Variants in FRMD4B observed in about 807,000 individuals in gnomAD.
The protein encoded by FRMD4B is FERM domain-containing protein 4B.
Under a neutral mutation model 141.5 loss-of-function variants are expected in FRMD4B, and 74 were observed. The ratio of observed to expected loss-of-function variants is 0.52; its 90% CI spans 0.43 to 0.63. The LOEUF (loss-of-function observed/expected upper bound fraction) is 0.63. FRMD4B is among the 30% of genes least tolerant of loss of function. The pLI is 0.00. For synonymous variants in FRMD4B, 506 were observed against 467.9 expected (o/e 1.08, Z -1.05); for missense variants, 1,366 against 1,253.4 (o/e 1.09, Z -1.36).
intron 17 of FRMD4B, 87 bp from the exon 18 acceptor site, chr3:69,190,039 T>C (rs2092819687): frequency 2.8e-6 from 2 of 724,610 alleles, no homozygotes; most frequent in African/African-American, 3.6e-5. Flanking sequence ...ATGGAATGCA[T>C]TTTCATTTAA....
chr3:69,518,933 C>A (rs1023201766), intron 1 of FRMD4B, among the ~76,000 whole-genome samples: 1 of 152,156 alleles, frequency 6.6e-6, no homozygotes, highest in Non-Finnish European at 1.5e-5. Context: ...CAAATACAAA[C>A]GTGCAGAAGC....
At chr3:69,389,190 C>T (rs1453373124), upstream of FRMD4B, among the ~76,000 whole-genome samples, 2 of 151,928 alleles carry the variant, frequency 1.3e-5, no homozygotes, top group Non-Finnish European at 2.9e-5. Flanking sequence ...CACAACACCA[C>T]GCCAGGCTAA....
At chr3:69,326,162 G>A (rs1373634585) in intron 1 of FRMD4B, among the ~76,000 whole-genome samples, 1 of 119,098 alleles carries the variant, frequency 8.4e-6, no homozygotes. Context: ...TCACTATGTT[G>A]CCTAGGCTAG....
intron 1 of FRMD4B, among the ~76,000 whole-genome samples, chr3:69,345,698 T>A (rs1206029550): frequency 6.6e-6 from 1 of 152,222 alleles, no homozygotes; most frequent in Non-Finnish European, 1.5e-5. Flanking sequence ...CTGCAGCCTC[T>A]GCTGCTGATA....
chr3:69,269,452 A>G (rs1269100740), intron 5 of FRMD4B, among the ~76,000 whole-genome samples: 2 of 149,948 alleles, frequency 1.3e-5, no homozygotes, highest in East Asian at 3.9e-4. Context: ...AAAGCCACCC[A>G]GCCTGTAGGT....
intron 7 of FRMD4B, among the ~76,000 whole-genome samples, chr3:69,229,019 T>C (rs201885582): frequency 0.036 from 5,294 of 148,212 alleles, 143 homozygotes; most frequent in East Asian, 0.11. Flanking sequence ...AATCATGTTT[T>C]TTTTTTTTTT....
intron 1 of FRMD4B, among the ~76,000 whole-genome samples, chr3:69,458,508 G>A (rs1318082690): frequency 1.3e-5 from 2 of 152,170 alleles, no homozygotes; most frequent in African/African-American, 2.4e-5. Flanking sequence ...GCTACAATGT[G>A]TCCTCAACGT....
intron 15 of FRMD4B, 22 bp from the exon 16 acceptor site, chr3:69,195,163 A>T (rs2092887787): frequency 1.2e-6 from 2 of 1,613,874 alleles, no homozygotes; most frequent in Non-Finnish European, 1.7e-6. Flanking sequence ...GACAGAATCA[A>T]GAGCAGATAA....
At chr3:69,355,460 T>G (rs1185461068) in intron 1 of FRMD4B, among the ~76,000 whole-genome samples, 4 of 152,178 alleles carry the variant, frequency 2.6e-5, no homozygotes, top group African/African-American at 7.2e-5. Context: ...ACTCAATACA[T>G]GGTACCTTTT....
At chr3:69,305,900 T>C (rs979236968) in intron 3 of FRMD4B, among the ~76,000 whole-genome samples, 2 of 152,230 alleles carry the variant, frequency 1.3e-5, no homozygotes, top group South Asian at 2.1e-4. Context: ...CTATTAAATA[T>C]TGATGAACAT....
intron 7 of FRMD4B, among the ~76,000 whole-genome samples, chr3:69,239,656 G>A (rs1002086718): frequency 2.6e-5 from 4 of 152,120 alleles, no homozygotes; most frequent in African/African-American, 9.7e-5. Context: ...GAGACAGAAA[G>A]TAGAATGGTG....
At chr3:69,465,412 T>C (rs1705767569) in intron 1 of FRMD4B, among the ~76,000 whole-genome samples, 1 of 152,078 alleles carries the variant, frequency 6.6e-6, no homozygotes, top group Non-Finnish European at 1.5e-5. Flanking sequence ...AAATTATTAT[T>C]ATACTTTAAG....
At chr3:69,235,158 A>T (rs2093336763) in intron 7 of FRMD4B, among the ~76,000 whole-genome samples, 1 of 119,550 alleles carries the variant, frequency 8.4e-6, no homozygotes, top group Admixed American at 8.8e-5. Context: ...TCAAATAATA[A>T]TAATAATAAT....
In FRMD4B at chr3:69,473,214, C is replaced by T. The variant is rs866575731; in HGVS notation, c.-128-40453G>A. On this transcript the variant is annotated intron_variant, in intron 1 of 5. Coordinates refer to the FRMD4B transcript ENST00000459638. ...GCATCTGCTTTCTTTGGCCTTCTCTCTTCCTATACTCCATACCTCCAGCAA... is the reference window on the plus strand; with the variant it reads ...GCATCTGCTTTCTTTGGCCTTCTCTTTTCCTATACTCCATACCTCCAGCAA... Among the ~76,000 whole-genome samples, 32 of 152,146 alleles carry T rather than the reference C, an allele frequency of 2.1e-4. No individual in the cohort carries two copies. In the Middle Eastern group the frequency reaches 0.014, roughly 65 times the overall value.
chr3:69,417,962 G>T (rs1430372111), intron 2 of FRMD4B, among the ~76,000 whole-genome samples: 1 of 152,084 alleles, frequency 6.6e-6, no homozygotes, highest in Non-Finnish European at 1.5e-5. Context: ...TCCTCTGTGT[G>T]TCTCTCTAGC....
chr3:69,492,532 G>C (rs1176516939), intron 1 of FRMD4B, among the ~76,000 whole-genome samples: 1 of 152,146 alleles, frequency 6.6e-6, no homozygotes, highest in Non-Finnish European at 1.5e-5. Context: ...GAAGGCATGA[G>C]ATATATCTGA....
At chr3:69,232,668 A>T (rs1470641241) in intron 7 of FRMD4B, among the ~76,000 whole-genome samples, 1 of 152,144 alleles carries the variant, frequency 6.6e-6, no homozygotes, top group Non-Finnish European at 1.5e-5. Context: ...AGCCACCCCC[A>T]GCAAATGGGT....
At chr3:69,190,914 G>C (rs1575594103) in intron 17 of FRMD4B, among the ~76,000 whole-genome samples, 1 of 152,186 alleles carries the variant, frequency 6.6e-6, no homozygotes, top group African/African-American at 2.4e-5. Flanking sequence ...AGTATCACCT[G>C]GCTCAATCCC....
intron 7 of FRMD4B, among the ~76,000 whole-genome samples, chr3:69,229,979 C>CTTT (rs553802460): frequency 7.0e-6 from 1 of 142,962 alleles, no homozygotes; most frequent in Non-Finnish European, 1.5e-5. Context: ...GACTATCAAA[C>CTTT]TTTTTTTTTT....
Sources: allele counts gnomAD v4.1 joint callset (sites outside exome capture counted in the v4.1 genomes callset), GRCh38; gene constraint gnomAD v4.1.1; transcripts MANE v1.5; gene names NCBI Gene and HGNC (gene_info 2026-07-23, HGNC 2026-07-21).